MVD: variants seen among roughly 807,000 people sequenced by gnomAD.
MVD encodes the protein diphosphomevalonate decarboxylase.
Under a neutral mutation model 42.4 loss-of-function variants are expected in MVD, and 52 were observed. The ratio of observed to expected loss-of-function variants is 1.23; its 90% confidence interval spans 0.98 to 1.55. MVD has a LOEUF of 1.55. Among genes scored for constraint, MVD ranks in the 40% most tolerant of loss-of-function variants. The pLI, the probability that MVD is intolerant of heterozygous loss-of-function variation, is 0.00. For missense variants in MVD, 663 were observed against 572.1 expected, an observed-to-expected ratio of 1.16 and a Z score of -1.62; for synonymous variants, 287 against 243.2, an observed-to-expected ratio of 1.18 and a Z score of -1.68.
intron 9 of MVD, 73 bp downstream of exon 9, chr16:88,653,227 G>T: frequency 1.6e-6 from 2 of 1,240,730 alleles, no homozygotes; most frequent in Non-Finnish European, 2.3e-6. Context: ...AGCCTTTAAG[G>T]GCCCTGGGGG....
intron 7 of MVD, 21 bp downstream of exon 7, chr16:88,655,178 T>G: frequency 6.4e-7 from 1 of 1,551,116 alleles, no homozygotes; most frequent in Non-Finnish European, 8.7e-7. Context: ...GCGCAGCCTC[T>G]GCCCTCCCGG....
At chr16:88,658,613 A>C in intron 2 of MVD, 37 bp downstream of exon 2, 1 of 1,594,762 alleles carries the variant, frequency 6.3e-7, no homozygotes, top group Non-Finnish European at 8.6e-7. Context: ...TGTTCTGGAA[A>C]TGGCACTGTG....
chr16:88,655,502 C>CG, intron 6 of MVD, 85 bp from the exon 7 acceptor site: 1 of 1,513,700 alleles, frequency 6.6e-7, no homozygotes, highest in Non-Finnish European at 8.9e-7. Flanking sequence ...GTTGGAGGCC[C>CG]GGCTCGAGCC....
chr16:88,661,969 T>A (rs1015548870), intron 1 of MVD: 2 of 148,748 alleles, frequency 1.3e-5, no homozygotes, highest in African/African-American at 5.0e-5. Flanking sequence ...CACACAAACA[T>A]ACATATATAC....
In MVD at chr16:88,655,914, C is replaced by T. The variant is rs1343157471; in HGVS notation, c.604-184G>A. ...TGACGCAGGGGCAACTTCCAGATCC[C>T]AGCGGGTGGTGGCGCCCGCCGCATG... On this transcript the variant is annotated intron_variant, in intron 5 of 9. Coordinates refer to ENST00000301012, the MANE Select transcript of MVD (RefSeq NM_002461.3). 8 of 1,104,954 alleles carry T rather than the reference C, an allele frequency of 7.2e-6. No individual in the cohort carries two copies. The East Asian group carries it at 2.1e-4, about 29-fold the overall frequency. 68.4% of individuals were successfully genotyped at this position (1,104,954 alleles called of 1,614,324 possible). A position where few individuals can be genotyped will look rare whatever the true frequency, so the allele number is the denominator to read the frequency against.
intron 1 of MVD, chr16:88,658,952 C>G (rs1359057096): frequency 5.6e-6 from 3 of 539,990 alleles, no homozygotes; most frequent in South Asian, 2.0e-5. Context: ...CCTCCGTCCC[C>G]GCTCCCCATT....
intron 4 of MVD, 42 bp downstream of exon 4, chr16:88,657,394 G>A (rs778226118): frequency 2.6e-5 from 41 of 1,550,118 alleles, no homozygotes; most frequent in Admixed American, 7.8e-5. Flanking sequence ...TGGCTCCTGC[G>A]CCCACAGCCC....
At chr16:88,655,833 G>C in intron 5 of MVD, 103 bp from the exon 6 acceptor site, 1 of 1,388,292 alleles carries the variant, frequency 7.2e-7, no homozygotes, top group South Asian at 1.3e-5. Context: ...CAGGCAGCGG[G>C]GGTGGGAGTC....
rs762796554 is a variant in MVD at position 88,653,356 on chromosome 16, C to A, written c.1066G>T (p.Ala356Ser). 17 of 1,599,562 alleles carry A rather than the reference C, an allele frequency of 1.1e-5. No homozygotes were observed. Among genetic ancestry groups the A allele is most frequent in the East Asian group, 2.2e-5 (1 of 44,678 alleles). Residue 356 changes from alanine to serine, a missense_variant, in exon 9 of 10, where the codon GCT becomes TCT. By Grantham distance (99) the Ala-to-Ser change is moderately conservative. Transcript: ENST00000301012. Reference sequence around the variant, plus strand: ...GGGGTCGGCTCCATGGCCAGCGCAGCCTGAAGCTCAGCTGAGAGAGGGGCC... The same window carrying A: ...GGGGTCGGCTCCATGGCCAGCGCAGACTGAAGCTCAGCTGAGAGAGGGGCC... ...RPAPLSAELQ[A>S]ALAMEPTPGG... is the part of the protein sequence containing the mutation.
At position 88,656,312 on chromosome 16, in the gene MVD, C is replaced by T; in HGVS notation, c.404-8G>A. On this transcript the variant is annotated splice_polypyrimidine_tract_variant and splice_region_variant and intron_variant, in intron 4 of 9. Transcript: ENST00000301012. Reference sequence around the variant, plus strand: ...CACGGGCCAGGGTGTAGGCTGCAGGCATGCGGATTCAGGGAGGGTCCTCAG... The same window carrying T: ...CACGGGCCAGGGTGTAGGCTGCAGGTATGCGGATTCAGGGAGGGTCCTCAG... 2.5e-6 allele frequency: 4 copies of T among 1,598,902 alleles called. No individual in the cohort carries two copies. Among genetic ancestry groups the T allele is most frequent in the Non-Finnish European group, 2.5e-6 (3 of 1,179,854 alleles).
intron 4 of MVD, 152 bp from the exon 5 acceptor site, chr16:88,656,456 C>T: frequency 1.3e-6 from 1 of 787,808 alleles, no homozygotes; most frequent in Non-Finnish European, 2.0e-6. Flanking sequence ...GGCCAGCATT[C>T]ACCGGCCCAG....
chr16:88,652,382 C>G lies in MVD; in HGVS notation c.*143G>C. 1.1e-6 allele frequency: 1 copy of G among 902,366 alleles called. No individual in the cohort carries two copies. The allele number at this position is 902,366 out of a possible 1,614,324, so 55.9% of individuals were successfully genotyped here. On this transcript the variant is annotated 3_prime_UTR_variant, in exon 10 of 10. Coordinates refer to ENST00000301012, the MANE Select transcript of MVD (RefSeq NM_002461.3). ...CTGGGCGGCCGCAGGACTCCCTGCA[C>G]TGCCCCACAGCAAGCTGCCCATGGG... is the stretch of plus-strand genomic sequence containing the variant.
intron 6 of MVD, 27 bp from the exon 7 acceptor site, chr16:88,655,444 G>A (rs1345340288): frequency 3.9e-6 from 6 of 1,547,688 alleles, no homozygotes; most frequent in Non-Finnish European, 5.2e-6. Context: ...GTTTCCCATG[G>A]AGCCGCTGGG....
chr16:88,652,386 C>T lies in MVD; in HGVS notation c.*139G>A, dbSNP rs1300089905. ...GCGGCCGCAGGACTCCCTGCACTGC[C>T]CCACAGCAAGCTGCCCATGGGCCCG... On this transcript the variant is annotated 3_prime_UTR_variant, in exon 10 of 10. Coordinates refer to ENST00000301012, the MANE Select transcript of MVD (RefSeq NM_002461.3). 2.8e-5 allele frequency: 26 copies of T among 935,026 alleles called. No individual in the cohort carries two copies. Among genetic ancestry groups the T allele is most frequent in the Non-Finnish European group, 3.8e-5 (23 of 598,576 alleles). 57.9% of individuals were successfully genotyped at this position (935,026 alleles called of 1,614,324 possible).
chr16:88,652,339 G>A lies in MVD; in HGVS notation c.*186C>T, dbSNP rs1448081749. The A allele has an allele frequency of 1.5e-5, 10 of 661,558 alleles. No homozygotes were observed. The highest frequency in any genetic ancestry group is 5.3e-5 in the African/African-American group (3 of 56,154). The allele number at this position is 661,558 out of a possible 1,614,324, so 41.0% of individuals were successfully genotyped here. ...GCTTAGGGCAGCTGAAGCACTCGGC[G>A]GGGACCTCTCCTGACACCTGGGCGG... On this transcript the variant is annotated 3_prime_UTR_variant, in exon 10 of 10. Coordinates refer to ENST00000301012, the MANE Select transcript of MVD (RefSeq NM_002461.3).
chr16:88,659,651 A>T (rs1908165019), intron 1 of MVD, among the ~76,000 whole-genome samples: 1 of 152,108 alleles, frequency 6.6e-6, no homozygotes, highest in Non-Finnish European at 1.5e-5. Context: ...CAGGACCAGG[A>T]AGGGCAGCCT....
rs61625951 is a variant in MVD at position 88,657,399 on chromosome 16, C to A, written c.403+37G>T. ...GAGCATGAAGTGGCTCCTGCGCCCACAGCCCAGAACCCCTGCGGGTCTCTG... is the reference window on the plus strand; with the variant it reads ...GAGCATGAAGTGGCTCCTGCGCCCAAAGCCCAGAACCCCTGCGGGTCTCTG... On this transcript the variant is annotated intron_variant, in intron 4 of 9. Transcript: ENST00000301012. 7.2e-4 allele frequency: 1,127 copies of A among 1,556,296 alleles called. 17 individuals carry two copies. The East Asian group carries it at 0.023, about 32-fold the overall frequency.
Position 88,657,910 on chromosome 16 carries a change from CT to C in MVD, c.256+4del. 1 of 1,612,946 alleles carries C rather than the reference CT, an allele frequency of 6.2e-7. No homozygotes were observed. The highest frequency in any genetic ancestry group is 8.5e-7 in the Non-Finnish European group (1 of 1,179,708). On this transcript the variant is annotated splice_donor_region_variant and intron_variant, in intron 3 of 9. Transcript: ENST00000301012. ...AGGGATGGGCTTATGGGGACCCCAG[CT>C]CACTCTCCCGCAGGCAGGCCTGCAG...
intron 4 of MVD, chr16:88,656,645 T>C (rs571678109): frequency 2.4e-6 from 1 of 414,054 alleles, no homozygotes; most frequent in South Asian, 2.5e-5. Flanking sequence ...TGGGAAGGAA[T>C]TTTAAGGCTG....
Sources: allele counts gnomAD v4.1 joint callset (sites outside exome capture counted in the v4.1 genomes callset), GRCh38; gene constraint gnomAD v4.1.1; transcripts MANE v1.5; gene names NCBI Gene and HGNC (gene_info 2026-07-23, HGNC 2026-07-21).